Variants in NDUFAF2 observed in about 807,000 individuals in gnomAD.
The protein encoded by NDUFAF2 is NADH:ubiquinone oxidoreductase complex assembly factor 2, also known as NADH dehydrogenase [ubiquinone] 1 alpha subcomplex assembly factor 2.
Under a neutral mutation model 22.8 loss-of-function variants are expected in NDUFAF2, and 13 were observed. That is an observed-to-expected ratio of 0.57 (90% CI 0.37 to 0.91). The LOEUF is 0.91. Among genes scored for constraint, NDUFAF2 ranks in the 40% least tolerant of loss-of-function variants. The pLI is 0.01. For synonymous variants in NDUFAF2, 53 were observed against 64.2 expected, an observed-to-expected ratio of 0.83 and a Z score of 0.84; for missense variants, 162 against 195.2, an observed-to-expected ratio of 0.83 and a Z score of 1.01.
chr5:61,007,358 A>G (rs1166556372), intron 1 of NDUFAF2, among the ~76,000 whole-genome samples: 3 of 152,078 alleles, frequency 2.0e-5, no homozygotes, highest in Admixed American at 1.3e-4. Context: ...TCCCAGCACC[A>G]TTTATTAAAT....
At chr5:60,991,814 G>C (rs2112585586) in intron 1 of NDUFAF2, among the ~76,000 whole-genome samples, 1 of 152,216 alleles carries the variant, frequency 6.6e-6, no homozygotes, top group Non-Finnish European at 1.5e-5. Flanking sequence ...ATGTACCTAG[G>C]GGAGGGATTG....
chr5:61,080,043 A>C (rs111378166), intron 2 of NDUFAF2, among the ~76,000 whole-genome samples: 37 of 152,268 alleles, frequency 2.4e-4, no homozygotes, highest in Non-Finnish European at 5.1e-4. Flanking sequence ...CATCTTGACT[A>C]GAAGCAAAAG....
chr5:60,997,221 T>C (rs1178303138), intron 1 of NDUFAF2, among the ~76,000 whole-genome samples: 1 of 152,346 alleles, frequency 6.6e-6, no homozygotes, highest in East Asian at 1.9e-4. Context: ...ATGTGGCTTA[T>C]GTTTATCAAC....
At chr5:61,017,183 T>C (rs1377740257) in intron 1 of NDUFAF2, among the ~76,000 whole-genome samples, 1 of 152,242 alleles carries the variant, frequency 6.6e-6, no homozygotes, top group Non-Finnish European at 1.5e-5. Flanking sequence ...TAACTGATTA[T>C]GTCCTAATAA....
chr5:61,093,457 T>C (rs1381364427), intron 2 of NDUFAF2, among the ~76,000 whole-genome samples: 1 of 152,212 alleles, frequency 6.6e-6, no homozygotes, highest in East Asian at 1.9e-4. Flanking sequence ...ATTAAGAGTT[T>C]TTAACATGAA....
intron 2 of NDUFAF2, among the ~76,000 whole-genome samples, chr5:61,096,505 A>G (rs905711729): frequency 1.3e-5 from 2 of 150,628 alleles, no homozygotes; most frequent in Non-Finnish European, 3.0e-5. Context: ...GGGCTGAGAC[A>G]GGAGAATTGC....
chr5:61,021,880 T>C (rs189947576), intron 1 of NDUFAF2, among the ~76,000 whole-genome samples: 13 of 152,316 alleles, frequency 8.5e-5, no homozygotes, highest in East Asian at 3.9e-4. Flanking sequence ...GGAATTGTGA[T>C]TGTAGAAGCT....
intron 1 of NDUFAF2, among the ~76,000 whole-genome samples, chr5:61,040,282 A>ACGCGCGCGCGCG (rs1263125156): frequency 1.1e-4 from 9 of 84,092 alleles, no homozygotes; most frequent in Middle Eastern, 6.7e-3. Context: ...ACACACACAC[A>ACGCGCGCGCGCG]CACACGCGCG....
intron 1 of NDUFAF2, among the ~76,000 whole-genome samples, chr5:61,018,466 T>A (rs1191631091): frequency 6.6e-6 from 1 of 152,200 alleles, no homozygotes; most frequent in African/African-American, 2.4e-5. Context: ...CAATCAGTAT[T>A]TATGTTGGAA....
chr5:61,082,265 T>C (rs1752452346), intron 2 of NDUFAF2, among the ~76,000 whole-genome samples: 1 of 152,128 alleles, frequency 6.6e-6, no homozygotes, highest in Admixed American at 6.6e-5. Context: ...AGTGTACATA[T>C]ATACTTTATT....
intron 1 of NDUFAF2, among the ~76,000 whole-genome samples, chr5:61,046,218 G>T (rs1345572713): frequency 6.6e-6 from 1 of 152,074 alleles, no homozygotes; most frequent in Non-Finnish European, 1.5e-5. Context: ...TGGTTTATTA[G>T]TATTTTGTTG....
intron 2 of NDUFAF2, among the ~76,000 whole-genome samples, chr5:61,094,484 G>A (rs372049476): frequency 1.3e-5 from 2 of 152,220 alleles, no homozygotes; most frequent in Middle Eastern, 3.4e-3. Context: ...ATTCTACTTC[G>A]GTCATTTCAG....
chr5:60,986,805 G>T (rs1420289884), intron 1 of NDUFAF2, among the ~76,000 whole-genome samples: 1 of 151,902 alleles, frequency 6.6e-6, no homozygotes, highest in Admixed American at 6.6e-5. Context: ...GGTGGCGGGT[G>T]CCTGCAATCC....
intron 3 of NDUFAF2, among the ~76,000 whole-genome samples, chr5:61,141,227 CAAA>C: frequency 6.9e-6 from 1 of 144,732 alleles, no homozygotes; most frequent in African/African-American, 2.6e-5. Context: ...AACTCCGTCT[CAAA>C]AAAAAAAAAA....
At chr5:61,041,806 C>G (rs1037351707) in intron 1 of NDUFAF2, among the ~76,000 whole-genome samples, 8 of 152,198 alleles carry the variant, frequency 5.3e-5, no homozygotes, top group Non-Finnish European at 4.4e-5. Context: ...CACCATGTGT[C>G]TTAGAGGAAA....
At chr5:61,095,750 C>T (rs773321707) in intron 2 of NDUFAF2, among the ~76,000 whole-genome samples, 2 of 152,128 alleles carry the variant, frequency 1.3e-5, no homozygotes, top group Non-Finnish European at 2.9e-5. Context: ...GCATGGTTTC[C>T]CAGGGTCACA....
At chr5:61,013,633 C>A (rs1347125346) in intron 1 of NDUFAF2, among the ~76,000 whole-genome samples, 1 of 151,144 alleles carries the variant, frequency 6.6e-6, no homozygotes, top group East Asian at 1.9e-4. Context: ...ATTCTCTGTA[C>A]TGTTGGTTGT....
chr5:61,019,987 C>G (rs902938381), intron 1 of NDUFAF2, among the ~76,000 whole-genome samples: 1 of 152,062 alleles, frequency 6.6e-6, no homozygotes, highest in African/African-American at 2.4e-5. Context: ...AATTCAATGT[C>G]TTTAATAGTA....
intron 1 of NDUFAF2, among the ~76,000 whole-genome samples, chr5:61,060,816 G>A (rs910688668): frequency 1.3e-5 from 2 of 152,132 alleles, no homozygotes; most frequent in Non-Finnish European, 2.9e-5. Context: ...GTGGGTTACA[G>A]CTCTATAGCC....
Sources: gnomAD v4.1 joint callset for allele counts (sites outside exome capture counted in the v4.1 genomes callset) on GRCh38, gnomAD v4.1.1 for gene constraint, MANE v1.5 for transcripts, NCBI Gene and HGNC (gene_info 2026-07-23, HGNC 2026-07-21) for gene names.